Variants in ALOX15 observed in about 807,000 individuals in gnomAD.
ALOX15 encodes arachidonate 15-lipoxygenase.
Under a neutral mutation model 71.7 loss-of-function variants are expected in ALOX15, and 68 were observed. The observed-to-expected ratio is 0.95, with a 90% CI of 0.78 to 1.16. The LOEUF (loss-of-function observed/expected upper bound fraction) is 1.16. ALOX15 is among the 50% of genes most tolerant of loss of function. The pLI, the probability that ALOX15 is intolerant of heterozygous loss-of-function variation, is 0.00. For missense variants in ALOX15, 798 were observed against 818.8 expected (o/e 0.97, Z 0.31); for synonymous variants, 346 against 333.3 (o/e 1.04, Z -0.42).
chr17:4,638,743 C>T (rs985519528), intron 4 of ALOX15, 59 bp from the exon 5 acceptor site: 12 of 1,613,146 alleles, frequency 7.4e-6, no homozygotes, highest in East Asian at 6.7e-5. Flanking sequence ...AACATGACGA[C>T]CACAGGCACC....
rs1358898896 is a variant in ALOX15, at chr17:4,631,445, G to A, written c.*155C>T. 4.8e-6 allele frequency: 4 copies of A among 835,706 alleles called. No individual in the cohort carries two copies. In the East Asian group the frequency reaches 1.1e-4, roughly 22 times the overall value. 51.8% of individuals were successfully genotyped at this position (835,706 alleles called of 1,614,324 possible). ...CCAGGTGATGCCTCTAGAGTAAAAT[G>A]TGTTCACTGGGTGCAGAGACCATGA... On this transcript the variant is annotated 3_prime_UTR_variant, in exon 14 of 14. Transcript: ENST00000293761.
In ALOX15 at chr17:4,631,766, T is replaced by A; in HGVS notation, c.1823A>T (p.Gln608Leu). 1.9e-6 allele frequency: 3 copies of A among 1,614,110 alleles called. No homozygotes were observed. The highest frequency in any genetic ancestry group is 2.5e-6 in the Non-Finnish European group (3 of 1,180,026). The change falls in exon 14 of 14, where the codon CAG becomes CTG. Residue 608 changes from glutamine to leucine, a missense_variant. Transcript: ENST00000293761. ...RRQPVMVAVG[Q>L]HEEEYFSGPE... Reference sequence around the variant, plus strand: ...GCCCGAAAAATACTCCTCCTCATGCTGGCCCACAGCCACCTGGGAGGGAGA... The same window carrying A: ...GCCCGAAAAATACTCCTCCTCATGCAGGCCCACAGCCACCTGGGAGGGAGA...
At chr17:4,640,766 G>A (rs1473243416) in intron 1 of ALOX15, among the ~76,000 whole-genome samples, 1 of 151,410 alleles carries the variant, frequency 6.6e-6, no homozygotes, top group Non-Finnish European at 1.5e-5. Context: ...GCAGGGACGC[G>A]GGAGATGCTC....
chr17:4,634,942 C>T (rs1371230328), intron 8 of ALOX15, among the ~76,000 whole-genome samples: 1 of 146,284 alleles, frequency 6.8e-6, no homozygotes, highest in African/African-American at 2.5e-5. Flanking sequence ...CGTGACACTG[C>T]ACTCCAGCCT....
chr17:4,632,098 C>G lies in ALOX15; in HGVS notation c.1642-42G>C, dbSNP rs749282547. 2.5e-6 allele frequency: 4 copies of G among 1,609,810 alleles called. No individual in the cohort carries two copies. In the East Asian group the frequency reaches 6.7e-5, roughly 27 times the overall value. On this transcript the variant is annotated intron_variant, in intron 12 of 13. Coordinates refer to ENST00000293761, the MANE Select transcript of ALOX15 (RefSeq NM_001140.5). ...ATCCAGAGTCAGTGCCTACCAAGCA[C>G]GCGAGCCCCGTGGTCCACCTGCACA...
chr17:4,638,744 C>T, intron 4 of ALOX15, 60 bp from the exon 5 acceptor site: 1 of 1,613,254 alleles, frequency 6.2e-7, no homozygotes, highest in African/African-American at 1.3e-5. Context: ...ACATGACGAC[C>T]ACAGGCACCG....
rs1332317683 is a variant in ALOX15, at chr17:4,637,234, A to G, written c.832T>C (p.Phe278Leu). The change falls in exon 7 of 14, where the codon TTC becomes CTC. Residue 278 changes from phenylalanine to leucine, a missense_variant. Transcript: ENST00000293761. ...GCCTTGATCCCATCCAGCAGGGAGAAGTCAGCTTCGAACAGTGTGCCTCCC... is the reference window on the plus strand; with the variant it reads ...GCCTTGATCCCATCCAGCAGGGAGAGGTCAGCTTCGAACAGTGTGCCTCCC... ...LEGGTLFEAD[F>L]SLLDGIKANV... The G allele has an allele frequency of 6.2e-7, 1 of 1,613,622 alleles. No homozygotes were observed. Among genetic ancestry groups the G allele is most frequent in the East Asian group, 2.2e-5 (1 of 44,866 alleles).
At chr17:4,632,809 G>T in intron 11 of ALOX15, 52 bp downstream of exon 11, 1 of 1,612,148 alleles carries the variant, frequency 6.2e-7, no homozygotes, top group South Asian at 1.1e-5. Context: ...GGGATTCTGG[G>T]AAGATCTCTT....
In ALOX15 at chr17:4,635,769, G is replaced by C; in HGVS notation, c.1151C>G (p.Pro384Arg). 1 of 1,614,178 alleles carries C rather than the reference G, an allele frequency of 6.2e-7. No homozygotes were observed. Among genetic ancestry groups the C allele is most frequent in the Non-Finnish European group, 8.5e-7 (1 of 1,180,030 alleles). The change falls in exon 8 of 14, where the codon CCT becomes CGT. Residue 384 changes from proline (P) to arginine (R), a missense_variant. Around this residue, in one of 3 missense-constraint regions of ALOX15, gnomAD observed 490 missense variants for 509.4 expected, o/e 0.96. Transcript: ENST00000293761. ...GGGATAAGGAGTTACCTTGAAGATA[G>C]GATGTATCGACGGCAGGCACCTCAT... ...ATMRCLPSIH[P>R]IFKLIIPHLR...
Position 4,633,275 on chromosome 17 carries a change from T to C in ALOX15, c.1289A>G (p.Lys430Arg), listed in dbSNP as rs769389088. 10 of 1,614,146 alleles carry C rather than the reference T, an allele frequency of 6.2e-6. No homozygotes were observed. The highest frequency in any genetic ancestry group is 3.3e-4 in the Middle Eastern group (2 of 6,060). ...TGGGGHVQLLKQAGAFLTYSS... is the reference protein window; with the variant it reads ...TGGGGHVQLLRQAGAFLTYSS... ...GTAGGTTAGGAAGGCTCCAGCTTGC[T>C]TGAGCAGCTGCACGTGGCCTCCCCC... The change falls in exon 10 of 14, where the codon AAG becomes AGG. Residue 430 changes from lysine to arginine, a missense_variant. Lys to Arg is a conservative substitution (Grantham distance 26, BLOSUM62 2). Coordinates refer to ENST00000293761, the MANE Select transcript of ALOX15 (RefSeq NM_001140.5).
In ALOX15 at chr17:4,632,276, G is replaced by A. The variant is rs748459113; in HGVS notation, c.1546C>T (p.Pro516Ser). The A allele has an allele frequency of 6.2e-7, 1 of 1,614,090 alleles. No homozygotes were observed. Among genetic ancestry groups the A allele is most frequent in the African/African-American group, 1.3e-5 (1 of 75,062 alleles). ...GLQGAQDRGF[P>S]VSLQARDQVC... ...TGGTCCCGAGCCTGTAAAGAGACAG[G>A]AAACCCTGCAAGGGGTGAAGAGAGT... The change falls in exon 12 of 14, where the codon CCT (proline) becomes TCT (serine). Residue 516 changes from proline (P) to serine (S), a missense_variant. Pro to Ser is a moderately conservative substitution (Grantham distance 74, BLOSUM62 -1). Around this residue, in one of 3 missense-constraint regions of ALOX15, gnomAD observed 490 missense variants for 509.4 expected, o/e 0.96. Coordinates refer to ENST00000293761, the MANE Select transcript of ALOX15 (RefSeq NM_001140.5).
rs764162430 is a variant in ALOX15 at position 4,638,905 on chromosome 17, C to G, written c.487G>C (p.Asp163His). The change falls in exon 4 of 14, where the codon GAT becomes CAT. Residue 163 changes from aspartate (D) to histidine (H), a missense_variant. By Grantham distance (81) the Asp-to-His change is moderately conservative (BLOSUM62 -1). Around this residue, in one of 3 missense-constraint regions of ALOX15, gnomAD observed 300 missense variants for 283.1 expected, o/e 1.06. Transcript: ENST00000293761. Reference sequence around the variant, plus strand: ...CTCTTGTCTTCCAGAAATCGCTCATCCACAGGGAGGTCATATAGTTTGGCC... The same window carrying G: ...CTCTTGTCTTCCAGAAATCGCTCATGCACAGGGAGGTCATATAGTTTGGCC... The part of the protein sequence containing the change: ...AGAKLYDLPV[D>H]ERFLEDKRVD... The G allele has an allele frequency of 6.2e-7, 1 of 1,614,102 alleles. No homozygotes were observed. Among genetic ancestry groups the G allele is most frequent in the Non-Finnish European group, 8.5e-7 (1 of 1,180,044 alleles).
intron 8 of ALOX15, among the ~76,000 whole-genome samples, chr17:4,635,229 G>A (rs1288886799): frequency 2.0e-5 from 3 of 151,610 alleles, no homozygotes; most frequent in East Asian, 1.9e-4. Flanking sequence ...TCAGGCATTC[G>A]AGACCAGCCT....
intron 8 of ALOX15, among the ~76,000 whole-genome samples, chr17:4,635,218 G>A (rs960261290): frequency 1.7e-4 from 26 of 151,824 alleles, no homozygotes; most frequent in African/African-American, 6.3e-4. Context: ...ATCATCTGAG[G>A]TCAGGCATTC....
intron 7 of ALOX15, 66 bp downstream of exon 7, chr17:4,637,049 T>C: frequency 6.5e-7 from 1 of 1,544,882 alleles, no homozygotes; most frequent in Non-Finnish European, 8.8e-7. Context: ...GCTCAGTAAA[T>C]TTTGATAAGG....
At position 4,631,733 on chromosome 17, in the gene ALOX15, G is replaced by A. The variant is rs775312952; in HGVS notation, c.1856C>T (p.Pro619Leu). Residue 619 changes from proline (P) to leucine (L), a missense_variant, in exon 14 of 14, where the codon CCT becomes CTT. Pro to Leu is a moderately conservative substitution (Grantham distance 98). Coordinates refer to ENST00000293761, the MANE Select transcript of ALOX15 (RefSeq NM_001140.5). ...CCTGAACTTCTTCAGCACAGCCTTA[G>A]GCTCAGGGCCCGAAAAATACTCCTC... ...HEEEYFSGPE[P>L]KAVLKKFREE... 1.1e-5 allele frequency: 17 copies of A among 1,614,058 alleles called. No homozygotes were observed. Among genetic ancestry groups the A allele is most frequent in the Non-Finnish European group, 1.4e-5 (16 of 1,180,046 alleles).
At chr17:4,641,361 C>T (rs1258524030) in intron 1 of ALOX15, among the ~76,000 whole-genome samples, 156 bp downstream of exon 1, 1 of 152,218 alleles carries the variant, frequency 6.6e-6, no homozygotes, top group Non-Finnish European at 1.5e-5. Flanking sequence ...CCCTAAAGCC[C>T]CCCACCCCCG....
chr17:4,639,361 C>T, intron 2 of ALOX15, 69 bp downstream of exon 2: 1 of 1,584,322 alleles, frequency 6.3e-7, no homozygotes, highest in Non-Finnish European at 8.6e-7. Flanking sequence ...GCCCTCTTCT[C>T]CACACGCGCA....
intron 8 of ALOX15, among the ~76,000 whole-genome samples, chr17:4,633,843 T>A (rs1436983592): frequency 6.6e-6 from 1 of 152,198 alleles, no homozygotes; most frequent in African/African-American, 2.4e-5. Flanking sequence ...TGGAATACTA[T>A]GCAGCCATGA....
Sources: allele counts gnomAD v4.1 joint callset (sites outside exome capture counted in the v4.1 genomes callset), GRCh38; gene constraint gnomAD v4.1.1; regional missense constraint gnomAD v4.1.1; transcripts MANE v1.5; gene names NCBI Gene and HGNC (gene_info 2026-07-23, HGNC 2026-07-21).